Variants in ELAPOR2 observed in about 807,000 individuals in gnomAD.
ELAPOR2 encodes endosome/lysosome-associated apoptosis and autophagy regulator family member 2.
A neutral mutation model predicts 120.7 loss-of-function variants in ELAPOR2; 89 were observed. That is an observed-to-expected ratio of 0.74 (90% CI 0.62 to 0.88). The LOEUF (loss-of-function observed/expected upper bound fraction) is 0.88, where lower values mean the gene tolerates loss of function less well. ELAPOR2 is among the 40% of genes least tolerant of loss of function. The probability of loss-of-function intolerance (pLI) is 0.00; values close to 1 mark genes in which losing one functional copy is unlikely to be tolerated. For missense variants in ELAPOR2, 1,134 were observed against 1,251.6 expected (o/e 0.91, Z 1.42); for synonymous variants, 444 against 444.9 (o/e 1.00, Z 0.03).
intron 1 of ELAPOR2, among the ~76,000 whole-genome samples, chr7:86,996,096 C>T (rs1317303663): frequency 1.8e-4 from 28 of 151,980 alleles, no homozygotes; most frequent in Admixed American, 1.8e-3. Context: ...AAAAGATCTT[C>T]CCCTTTGGGA....
chr7:87,046,165 A>G (rs1029381809), intron 1 of ELAPOR2, among the ~76,000 whole-genome samples: 1 of 152,182 alleles, frequency 6.6e-6, no homozygotes, highest in South Asian at 2.1e-4. Flanking sequence ...TCAACAGTGA[A>G]CACTCCAAAA....
Position 86,909,803 on chromosome 7 carries a change from G to T in ELAPOR2, c.2359+9C>A. The stretch of plus-strand genomic sequence containing the variant: ...GTATGCATGCATATATGAACCAAAG[G>T]AAGCTTACCTATGAATGTATCTGCC... On this transcript the variant is annotated intron_variant, in intron 16 of 21. Coordinates refer to ENST00000450689, the MANE Select transcript of ELAPOR2 (RefSeq NM_001142749.3). 1 of 1,596,890 alleles carries T rather than the reference G, an allele frequency of 6.3e-7. No individual in the cohort carries two copies. Among genetic ancestry groups the T allele is most frequent in the Non-Finnish European group, 8.5e-7 (1 of 1,171,568 alleles).
intron 8 of ELAPOR2, 71 bp from the exon 9 acceptor site, chr7:86,926,987 C>A: frequency 7.3e-7 from 1 of 1,361,158 alleles, no homozygotes; most frequent in Admixed American, 2.8e-5. Context: ...CTTAAACTGG[C>A]AGTATAGGAA....
At chr7:86,885,456 A>G (rs969913324) in intron 21 of ELAPOR2, among the ~76,000 whole-genome samples, 1 of 152,134 alleles carries the variant, frequency 6.6e-6, no homozygotes, top group Non-Finnish European at 1.5e-5. Flanking sequence ...GAATGCAAAC[A>G]TCTTGTCTAC....
chr7:86,983,063 G>A (rs191838064), intron 1 of ELAPOR2, among the ~76,000 whole-genome samples: 2 of 152,256 alleles, frequency 1.3e-5, no homozygotes, highest in African/African-American at 4.8e-5. Context: ...TAGCCAATTC[G>A]ATCAAGTGGA....
chr7:86,949,178 A>T (rs1791129387), intron 2 of ELAPOR2, among the ~76,000 whole-genome samples: 1 of 152,184 alleles, frequency 6.6e-6, no homozygotes, highest in South Asian at 2.1e-4. Context: ...TGAGAAAATA[A>T]AAAAAGATTA....
chr7:86,989,412 T>G (rs1464121648), intron 1 of ELAPOR2, among the ~76,000 whole-genome samples: 1 of 152,200 alleles, frequency 6.6e-6, no homozygotes, highest in Non-Finnish European at 1.5e-5. Flanking sequence ...AGACTGCTAT[T>G]GCTTCTCCAA....
chr7:87,043,139 A>C lies in ELAPOR2; in HGVS notation c.189+16186T>G, dbSNP rs556827805. Among the ~76,000 whole-genome samples, 13 of 152,030 alleles carry C rather than the reference A, an allele frequency of 8.6e-5. No homozygotes were observed. The East Asian group carries it at 9.7e-4, about 11-fold the overall frequency. On this transcript the variant is annotated intron_variant, in intron 1 of 21. Coordinates refer to ENST00000450689, the MANE Select transcript of ELAPOR2 (RefSeq NM_001142749.3). ...AATCAATAGCTTACCAACGAAAAAG[A>C]GTCCAGGACCAGATGGATTCACAGC... is the stretch of plus-strand genomic sequence containing the variant.
intron 1 of ELAPOR2, among the ~76,000 whole-genome samples, chr7:86,980,127 A>C (rs1412012104): frequency 2.0e-5 from 3 of 152,202 alleles, no homozygotes; most frequent in African/African-American, 7.2e-5. Flanking sequence ...GGTTGGAAAA[A>C]ATTATTGTAC....
chr7:86,897,506 C>T lies in ELAPOR2; in HGVS notation c.2685G>A (p.Gln895=). 1 of 1,612,042 alleles carries T rather than the reference C, an allele frequency of 6.2e-7. No individual in the cohort carries two copies. Among genetic ancestry groups the T allele is most frequent in the Non-Finnish European group, 8.5e-7 (1 of 1,178,900 alleles). Reference sequence around the variant, plus strand: ...TCTGCCTTGAGAGTTTATCCCTTACCTGAAATCCTCTCTTGCAGGCTCCCT... The same window carrying T: ...TCTGCCTTGAGAGTTTATCCCTTACTTGAAATCCTCTCTTGCAGGCTCCCT... The part of the protein sequence containing the change: ...EIEGACKRGF[Q]ETLYVWNEPK... Residue 895 remains glutamine, a splice_region_variant and synonymous_variant, in exon 19 of 22, where the codon CAG becomes CAA. Coordinates refer to ENST00000450689, the MANE Select transcript of ELAPOR2 (RefSeq NM_001142749.3).
At chr7:87,007,309 G>T (rs137941968) in intron 1 of ELAPOR2, among the ~76,000 whole-genome samples, 32 of 152,264 alleles carry the variant, frequency 2.1e-4, no homozygotes, top group African/African-American at 7.5e-4. Flanking sequence ...TTGAGCAAAT[G>T]AGTATATACA....
intron 1 of ELAPOR2, among the ~76,000 whole-genome samples, chr7:86,982,881 A>C (rs1276918058): frequency 6.7e-6 from 1 of 148,802 alleles, no homozygotes; most frequent in Non-Finnish European, 1.5e-5. Flanking sequence ...AGTAATACCA[A>C]ACTTCTCCGA....
intron 18 of ELAPOR2, among the ~76,000 whole-genome samples, chr7:86,899,213 T>C (rs974830515): frequency 2.4e-4 from 36 of 152,162 alleles, no homozygotes; most frequent in African/African-American, 8.4e-4. Flanking sequence ...AAACATAGCA[T>C]GGCTGAAAAA....
intron 18 of ELAPOR2, 88 bp downstream of exon 18, chr7:86,907,582 G>T: frequency 2.4e-6 from 2 of 819,508 alleles, no homozygotes; most frequent in South Asian, 1.7e-5. Flanking sequence ...TCTGCTTTAT[G>T]TTCATAGAGA....
intron 10 of ELAPOR2, among the ~76,000 whole-genome samples, chr7:86,920,521 T>C (rs1789780944): frequency 1.3e-5 from 2 of 152,066 alleles, no homozygotes; most frequent in African/African-American, 2.4e-5. Flanking sequence ...ACTCCTAGTG[T>C]TCAGAAAGGC....
chr7:87,059,230 G>A, intron 1 of ELAPOR2, 95 bp downstream of exon 1: 2 of 1,233,770 alleles, frequency 1.6e-6, no homozygotes, highest in Non-Finnish European at 2.0e-6. Context: ...AAGGAAAAGG[G>A]GATGGCAAAC....
At chr7:86,936,728 C>T (rs1321562164) in intron 8 of ELAPOR2, among the ~76,000 whole-genome samples, 1 of 152,074 alleles carries the variant, frequency 6.6e-6, no homozygotes, top group Admixed American at 6.6e-5. Flanking sequence ...GCGTATTCTG[C>T]ATATACATTT....
At position 87,032,062 on chromosome 7, in the gene ELAPOR2, AG is replaced by A. The variant is rs539892860; in HGVS notation, c.189+27262del. ...GAAGGGTTAGATTACAAAGAGAAAC[AG>A]GAAACTTTTGGGGATGTTGAAAATG... On this transcript the variant is annotated intron_variant, in intron 1 of 21. Coordinates refer to ENST00000450689, the MANE Select transcript of ELAPOR2 (RefSeq NM_001142749.3). Among the ~76,000 whole-genome samples, 17 of 152,300 alleles carry A rather than the reference AG, an allele frequency of 1.1e-4. No individual in the cohort carries two copies. The South Asian group carries it at 3.5e-3, about 32-fold the overall frequency.
At chr7:87,043,761 G>C (rs1047149622) in intron 1 of ELAPOR2, among the ~76,000 whole-genome samples, 2 of 151,490 alleles carry the variant, frequency 1.3e-5, no homozygotes, top group Non-Finnish European at 2.9e-5. Flanking sequence ...TCTGGCCAGG[G>C]CAATCAGGCA....
Sources: gnomAD v4.1 joint callset for allele counts (sites outside exome capture counted in the v4.1 genomes callset) on GRCh38, gnomAD v4.1.1 for gene constraint, MANE v1.5 for transcripts, NCBI Gene and HGNC (gene_info 2026-07-23, HGNC 2026-07-21) for gene names.